Variants in CALHM2 observed in about 807,000 individuals in gnomAD.
CALHM2 encodes calcium homeostasis modulator family member 2.
CALHM2 carries 18 observed loss-of-function variants against 20.4 expected under a neutral mutation model. The ratio of observed to expected loss-of-function variants is 0.88; its 90% CI spans 0.61 to 1.31. The LOEUF is 1.31. Ranked by LOEUF, CALHM2 falls within the 50% of genes most tolerant of loss-of-function variation. The pLI, the probability that CALHM2 is intolerant of heterozygous loss-of-function variation, is 0.00. For synonymous variants in CALHM2, 193 were observed against 192.1 expected (o/e 1.00, Z -0.04); for missense variants, 411 against 435.7 (o/e 0.94, Z 0.50).
chr10:103,449,707 T>C lies in CALHM2; in HGVS notation c.235A>G (p.Thr79Ala). 6.2e-7 allele frequency: 1 copy of C among 1,613,444 alleles called. No individual in the cohort carries two copies. The highest frequency in any genetic ancestry group is 8.5e-7 in the Non-Finnish European group (1 of 1,179,954). Residue 79 changes from threonine to alanine, a missense_variant, in exon 3 of 4, where the codon ACC (threonine) becomes GCC (alanine). Physicochemically the swap from Thr to Ala is moderately conservative, Grantham distance 58. Transcript: ENST00000260743. The part of the protein sequence containing the change: ...FIIGIILNNH[T>A]WNLVAECQHR... ...TGGCACTCGGCCACGAGGTTCCAGG[T>C]GTGGTTGTTGAGGATGATGCCAATG...
At chr10:103,447,843 T>C (rs902737884) in intron 3 of CALHM2, among the ~76,000 whole-genome samples, 2 of 152,190 alleles carry the variant, frequency 1.3e-5, no homozygotes, top group Non-Finnish European at 2.9e-5. Context: ...CAGGCTCAGC[T>C]CAGATGCCAC....
chr10:103,450,304 C>A, intron 2 of CALHM2: 1 of 238,544 alleles, frequency 4.2e-6, no homozygotes, highest in Non-Finnish European at 8.2e-6. Context: ...GCCCGCCGTG[C>A]ACTAGGGAAA....
intron 2 of CALHM2, chr10:103,450,529 G>A (rs1462055835): frequency 2.5e-5 from 4 of 158,724 alleles, no homozygotes; most frequent in Non-Finnish European, 4.2e-5. Flanking sequence ...TTAGCAGAGG[G>A]GCCAGGGACT....
Position 103,450,017 on chromosome 10 carries a change from G to A in CALHM2, c.-76C>T. 1 of 1,384,766 alleles carries A rather than the reference G, an allele frequency of 7.2e-7. No individual in the cohort carries two copies. Among genetic ancestry groups the A allele is most frequent in the African/African-American group, 1.4e-5 (1 of 70,326 alleles). The allele number at this position is 1,384,766 out of a possible 1,614,324, so 85.8% of individuals were successfully genotyped here. A position where few individuals can be genotyped will look rare whatever the true frequency, so the allele number is the denominator to read the frequency against. On this transcript the variant is annotated 5_prime_UTR_variant, in exon 3 of 4. Transcript: ENST00000260743. ...GGATTGATGGTTGCTGGTGGTACTA[G>A]GAAGGGGCACAGGCTGGGAGGCGCT...
In CALHM2 at chr10:103,447,341, C is replaced by G. The variant is rs373034255; in HGVS notation, c.783G>C (p.Glu261Asp). ...CCACTGGGAAGTTGGCAATCAGTTC[C>G]TCATCATCCTTGTTGAGCGCCACAA... ...FGFVALNKDD[E>D]ELIANFPVEG... is the part of the protein sequence containing the mutation. Residue 261 changes from glutamate (E) to aspartate (D), a missense_variant, in exon 4 of 4, where the codon GAG (glutamate) becomes GAC (aspartate). Coordinates refer to ENST00000260743, the MANE Select transcript of CALHM2 (RefSeq NM_015916.5). 6.2e-7 allele frequency: 1 copy of G among 1,614,144 alleles called. No homozygotes were observed. Among genetic ancestry groups the G allele is most frequent in the East Asian group, 2.2e-5 (1 of 44,898 alleles).
chr10:103,450,148 G>C, intron 2 of CALHM2, 49 bp from the exon 3 acceptor site: 1 of 595,960 alleles, frequency 1.7e-6, no homozygotes, highest in Non-Finnish European at 3.0e-6. Flanking sequence ...ACCAGGAGTT[G>C]AGGAAGATGC....
chr10:103,449,205 T>C (rs566706932), intron 3 of CALHM2, 182 bp downstream of exon 3: 22 of 646,476 alleles, frequency 3.4e-5, no homozygotes, highest in Admixed American at 3.4e-4. Context: ...CTGTCTTATT[T>C]GTGTCTGGAA....
chr10:103,447,551 G>C lies in CALHM2; in HGVS notation c.573C>G (p.Leu191=). 1.9e-6 allele frequency: 3 copies of C among 1,596,430 alleles called. No homozygotes were observed. The highest frequency in any genetic ancestry group is 2.6e-6 in the Non-Finnish European group (3 of 1,168,896). The change falls in exon 4 of 4, where the codon CTC becomes CTG. Residue 191 remains leucine, a synonymous_variant. Transcript: ENST00000260743. ...RYESQLFGWL[L]IGVVAILVFL... ...ACACCAGGATGGCCACCACGCCGAT[G>C]AGCAGCCATCCAAAGAGCTGGCCAG...
Position 103,449,738 on chromosome 10 carries a change from G to A in CALHM2, c.204C>T (p.Leu68=), listed in dbSNP as rs776281157. The change falls in exon 3 of 4, where the codon CTC becomes CTT. Residue 68 remains leucine, a synonymous_variant. Coordinates refer to ENST00000260743, the MANE Select transcript of CALHM2 (RefSeq NM_015916.5). The part of the protein sequence containing the change: ...LAAIGVPALV[L]FIIGIILNNH... ...TGTTGAGGATGATGCCAATGATGAA[G>A]AGCACCAGGGCGGGCACGCCGATGG... 1.2e-4 allele frequency: 190 copies of A among 1,613,444 alleles called. No individual in the cohort carries two copies. The highest frequency in any genetic ancestry group is 1.4e-4 in the South Asian group (13 of 91,080).
intron 3 of CALHM2, among the ~76,000 whole-genome samples, chr10:103,448,443 C>T (rs1422870535): frequency 1.3e-5 from 2 of 151,884 alleles, no homozygotes; most frequent in Admixed American, 6.6e-5. Context: ...CACTGCCCAG[C>T]CTCTGTTTAC....
chr10:103,448,717 T>A (rs1387393745), intron 3 of CALHM2, among the ~76,000 whole-genome samples: 4 of 149,592 alleles, frequency 2.7e-5, no homozygotes, highest in Non-Finnish European at 4.5e-5. Context: ...TGAGACTCTG[T>A]CTCAAAAAAA....
In CALHM2 at chr10:103,447,059, T is replaced by TA; in HGVS notation, c.*92dup. On this transcript the variant is annotated 3_prime_UTR_variant, in exon 4 of 4. Coordinates refer to ENST00000260743, the MANE Select transcript of CALHM2 (RefSeq NM_015916.5). The stretch of plus-strand genomic sequence containing the variant: ...CCTGGCCAAGAAGATAACAGTTTTT[T>TA]AAAAATCCCCTTCTGATATGGATGT... 1 of 1,349,598 alleles carries TA rather than the reference T, an allele frequency of 7.4e-7. No homozygotes were observed. The highest frequency in any genetic ancestry group is 1.0e-6 in the Non-Finnish European group (1 of 986,188). 83.6% of individuals were successfully genotyped at this position (1,349,598 alleles called of 1,614,324 possible). A position where few individuals can be genotyped will look rare whatever the true frequency, so the allele number is the denominator to read the frequency against.
Position 103,452,219 on chromosome 10 carries a change from C to G in CALHM2, c.-425G>C, listed in dbSNP as rs2033036099. ...CGGGGCCGGACTCTCCAAGTGGCCT[C>G]CAGGAGGGCGGTGCAGGGCAGCGGC... On this transcript the variant is annotated 5_prime_UTR_variant, in exon 1 of 4. Transcript: ENST00000260743. The G allele has an allele frequency of 6.6e-6, 1 of 152,448 alleles. No homozygotes were observed. The highest frequency in any genetic ancestry group is 2.4e-5 in the African/African-American group (1 of 41,476). 9.4% of individuals were successfully genotyped at this position (152,448 alleles called of 1,614,324 possible).
Position 103,450,018 on chromosome 10 carries a change from G to T in CALHM2, c.-77C>A. The T allele has an allele frequency of 1.5e-6, 2 of 1,377,218 alleles. No individual in the cohort carries two copies. The highest frequency in any genetic ancestry group is 2.0e-6 in the Non-Finnish European group (2 of 993,284). The allele number at this position is 1,377,218 out of a possible 1,614,324, so 85.3% of individuals were successfully genotyped here. A position where few individuals can be genotyped will look rare whatever the true frequency, so the allele number is the denominator to read the frequency against. On this transcript the variant is annotated 5_prime_UTR_variant, in exon 3 of 4. Transcript: ENST00000260743. Reference sequence around the variant, plus strand: ...GATTGATGGTTGCTGGTGGTACTAGGAAGGGGCACAGGCTGGGAGGCGCTG... The same window carrying T: ...GATTGATGGTTGCTGGTGGTACTAGTAAGGGGCACAGGCTGGGAGGCGCTG...
At chr10:103,450,176 G>A in intron 2 of CALHM2, 77 bp from the exon 3 acceptor site, 1 of 569,696 alleles carries the variant, frequency 1.8e-6, no homozygotes, top group Non-Finnish European at 3.1e-6. Context: ...GACAGGCTGG[G>A]GAGAAAGGAA....
Position 103,449,599 on chromosome 10 carries a change from C to T in CALHM2, c.343G>A (p.Val115Ile). 1 of 1,613,912 alleles carries T rather than the reference C, an allele frequency of 6.2e-7. No individual in the cohort carries two copies. The highest frequency in any genetic ancestry group is 8.5e-7 in the Non-Finnish European group (1 of 1,180,032). ...AGCAGGGAGATGACAGACCAGGTGA[C>T]AGGGGCCACAGCCGCACGTCCCAGG... ...SILGRAAVAP[V>I]TWSVISLLRG... The change falls in exon 3 of 4, where the codon GTC becomes ATC. Residue 115 changes from valine (V) to isoleucine (I), a missense_variant. By Grantham distance (29) the Val-to-Ile change is conservative. Transcript: ENST00000260743.
rs537840419 is a variant in CALHM2 at position 103,447,453 on chromosome 10, C to T, written c.671G>A (p.Arg224His). The T allele has an allele frequency of 1.7e-5, 27 of 1,614,128 alleles. No homozygotes were observed. Among genetic ancestry groups the T allele is most frequent in the Middle Eastern group, 1.6e-4 (1 of 6,062 alleles). Residue 224 changes from arginine to histidine, a missense_variant, in exon 4 of 4, where the codon CGC (arginine) becomes CAC (histidine). Coordinates refer to ENST00000260743, the MANE Select transcript of CALHM2 (RefSeq NM_015916.5). Reference protein sequence around the residue: ...YRQEAYWAQYRANEDQLFQRT... With the variant: ...YRQEAYWAQYHANEDQLFQRT... ...CTGGAACAGCTGGTCCTCATTGGCG[C>T]GGTACTGCGCCCAGTAGGCCTCCTG...
At chr10:103,450,621 T>C (rs2133804279) in intron 2 of CALHM2, 1 of 153,954 alleles carries the variant, frequency 6.5e-6, no homozygotes, top group South Asian at 2.1e-4. Context: ...ATAAGGGACT[T>C]GGATAGGATC....
chr10:103,450,504 T>A (rs2032929863), intron 2 of CALHM2: 1 of 159,328 alleles, frequency 6.3e-6, no homozygotes, highest in Non-Finnish European at 1.4e-5. Flanking sequence ...CCTCTGGGAG[T>A]CCAGGTGGCG....
Sources: gnomAD v4.1 joint callset for allele counts (sites outside exome capture counted in the v4.1 genomes callset) on GRCh38, gnomAD v4.1.1 for gene constraint, MANE v1.5 for transcripts, NCBI Gene and HGNC (gene_info 2026-07-23, HGNC 2026-07-21) for gene names.